Variants in AOAH observed in about 807,000 individuals in gnomAD.
The protein encoded by AOAH is acyloxyacyl hydrolase, also known as acyloxyacyl hydrolase (neutrophil).
AOAH carries 64 observed loss-of-function variants against 92.2 expected under a neutral mutation model. The observed-to-expected ratio is 0.69, with a 90% CI of 0.57 to 0.86. AOAH has a LOEUF of 0.86. Ranked by LOEUF, AOAH falls within the 40% of genes least tolerant of loss-of-function variation. AOAH has a pLI of 0.00. For missense variants in AOAH, 656 were observed against 694.6 expected, an observed-to-expected ratio of 0.94 and a Z score of 0.62; for synonymous variants, 263 against 254.5, an observed-to-expected ratio of 1.03 and a Z score of -0.32.
chr7:36,517,177 T>TCTTC (rs1483079890), intron 20 of AOAH, among the ~76,000 whole-genome samples: 1 of 55,422 alleles, frequency 1.8e-5, no homozygotes, highest in African/African-American at 6.2e-5. Flanking sequence ...TTTCTTTCTT[T>TCTTC]CTTTCTTTCT....
intron 1 of AOAH, among the ~76,000 whole-genome samples, chr7:36,718,978 G>T (rs1424754347): frequency 6.6e-6 from 1 of 152,062 alleles, no homozygotes; most frequent in Non-Finnish European, 1.5e-5. Context: ...AACAATATGG[G>T]AAAAATATTT....
Position 36,548,447 on chromosome 7 carries a change from A to G in AOAH, c.1133+165T>C, listed in dbSNP as rs190778009. On this transcript the variant is annotated intron_variant, in intron 15 of 20. Coordinates refer to ENST00000617537, the MANE Select transcript of AOAH (RefSeq NM_001637.4). Reference sequence around the variant, plus strand: ...GTGATCTGCCCACCTCGGCCTCCCAAAGTGCTGGGATTATAGGTGTGAGCC... The same window carrying G: ...GTGATCTGCCCACCTCGGCCTCCCAGAGTGCTGGGATTATAGGTGTGAGCC... 4.4e-3 allele frequency among the ~76,000 whole-genome samples: 664 copies of G among 152,196 alleles called. 3 individuals carry two copies. The highest frequency in any genetic ancestry group is 0.015 in the African/African-American group (619 of 41,516).
At chr7:36,659,622 T>C (rs1292327053) in intron 3 of AOAH, among the ~76,000 whole-genome samples, 5 of 152,242 alleles carry the variant, frequency 3.3e-5, no homozygotes, top group African/African-American at 1.2e-4. Context: ...TTTTGAAGTT[T>C]GGGCCTTTGA....
chr7:36,626,023 G>C (rs1383999980), intron 6 of AOAH, among the ~76,000 whole-genome samples: 1 of 152,212 alleles, frequency 6.6e-6, no homozygotes, highest in African/African-American at 2.4e-5. Flanking sequence ...CTTAAGAAAA[G>C]TTTTGGAAAA....
intron 15 of AOAH, among the ~76,000 whole-genome samples, chr7:36,547,532 G>A (rs1319264305): frequency 2.0e-5 from 3 of 152,208 alleles, no homozygotes; most frequent in African/African-American, 2.4e-5. Context: ...AGTTGGGGTG[G>A]AGTCCAGCTC....
chr7:36,594,112 A>G (rs867368749), intron 12 of AOAH, among the ~76,000 whole-genome samples: 1 of 152,234 alleles, frequency 6.6e-6, no homozygotes, highest in Admixed American at 6.5e-5. Flanking sequence ...GAGGTAAACT[A>G]TGGAACTCCA....
Position 36,631,990 on chromosome 7 carries a change from CGTT to C in AOAH, c.521+43_521+45del, listed in dbSNP as rs766226016. On this transcript the variant is annotated intron_variant, in intron 6 of 20. Coordinates refer to ENST00000617537, the MANE Select transcript of AOAH (RefSeq NM_001637.4). ...ATTAGAAAAGGGGGACAAGCAAAGACGTTATTACATGCTAGTGCTCAGGAAGGT... is the reference window on the plus strand; with the variant it reads ...ATTAGAAAAGGGGGACAAGCAAAGACATTACATGCTAGTGCTCAGGAAGGT... The C allele has an allele frequency of 5.8e-5, 84 of 1,454,858 alleles. No individual in the cohort carries two copies. The African/African-American group carries it at 1.0e-3, about 18-fold the overall frequency. 90.1% of individuals were successfully genotyped at this position (1,454,858 alleles called of 1,614,324 possible).
rs183173361 is a variant in AOAH at position 36,720,321 on chromosome 7, T to C, written c.127+3701A>G. Among the ~76,000 whole-genome samples, 330 of 144,968 alleles carry C rather than the reference T, an allele frequency of 2.3e-3. 3 individuals are homozygous for C. Among genetic ancestry groups the C allele is most frequent in the African/African-American group, 7.9e-3 (320 of 40,572 alleles). On this transcript the variant is annotated intron_variant, in intron 1 of 20. Coordinates refer to ENST00000617537, the MANE Select transcript of AOAH (RefSeq NM_001637.4). ...TGCCCCACCGTGTCCTGCTAATTTT[T>C]GTATATCTATATTTACATTTTTTTT...
chr7:36,569,322 G>T (rs372049612), intron 13 of AOAH, among the ~76,000 whole-genome samples: 6 of 152,094 alleles, frequency 3.9e-5, no homozygotes, highest in African/African-American at 1.2e-4. Context: ...CTGTAAAGAG[G>T]GCCTGTGTGC....
chr7:36,516,583 G>C lies in AOAH; in HGVS notation c.1600-3203C>G, dbSNP rs979895085. On this transcript the variant is annotated intron_variant, in intron 20 of 20. Coordinates refer to ENST00000617537, the MANE Select transcript of AOAH (RefSeq NM_001637.4). The surrounding 1 kb of genome is among the most constrained non-coding windows in gnomAD (Gnocchi z 5.0). ...GCCTGCGAAGCTGGCCAGTGCTCCAGGGAGGGCCGGATCATCTCTCACACA... is the reference window on the plus strand; with the variant it reads ...GCCTGCGAAGCTGGCCAGTGCTCCACGGAGGGCCGGATCATCTCTCACACA... 6.6e-6 allele frequency among the ~76,000 whole-genome samples: 1 copy of C among 152,200 alleles called. No homozygotes were observed. Among genetic ancestry groups the C allele is most frequent in the Admixed American group, 6.5e-5 (1 of 15,280 alleles).
chr7:36,524,239 G>T (rs1346074987), intron 19 of AOAH, among the ~76,000 whole-genome samples: 2 of 152,200 alleles, frequency 1.3e-5, no homozygotes, highest in African/African-American at 4.8e-5. Context: ...GTGTTGCACG[G>T]ACTGAATGTT....
intron 13 of AOAH, among the ~76,000 whole-genome samples, chr7:36,552,110 C>T (rs951098052): frequency 6.6e-6 from 1 of 152,080 alleles, no homozygotes; most frequent in Admixed American, 6.6e-5. Flanking sequence ...AAATATGTGC[C>T]ATGGTGGTTT....
intron 11 of AOAH, among the ~76,000 whole-genome samples, chr7:36,595,643 T>C (rs940473343): frequency 2.6e-5 from 4 of 152,256 alleles, no homozygotes; most frequent in Non-Finnish European, 5.9e-5. Flanking sequence ...CATGCAATGG[T>C]TGGAACATAC....
intron 1 of AOAH, among the ~76,000 whole-genome samples, chr7:36,688,197 T>A (rs1200529741): frequency 6.6e-6 from 1 of 152,242 alleles, no homozygotes; most frequent in Non-Finnish European, 1.5e-5. Context: ...CTGACGCTTA[T>A]CAGCACTTTA....
At chr7:36,715,460 A>G (rs1799083722) in intron 1 of AOAH, among the ~76,000 whole-genome samples, 1 of 151,696 alleles carries the variant, frequency 6.6e-6, no homozygotes, top group Non-Finnish European at 1.5e-5. Context: ...TCTTCACAGA[A>G]TTGGAAAAAA....
intron 3 of AOAH, among the ~76,000 whole-genome samples, chr7:36,668,193 T>TTGTGTG (rs113575872): frequency 4.9e-4 from 74 of 151,740 alleles, no homozygotes; most frequent in African/African-American, 1.6e-3. Context: ...TGAGAGGTTT[T>TTGTGTG]TGTGTGTGTG....
At chr7:36,569,791 T>G (rs1267643507) in intron 13 of AOAH, among the ~76,000 whole-genome samples, 1 of 152,030 alleles carries the variant, frequency 6.6e-6, no homozygotes, top group Non-Finnish European at 1.5e-5. Flanking sequence ...TTTTTATTTT[T>G]TAGTAGAGAT....
chr7:36,521,919 C>T, intron 20 of AOAH, 120 bp downstream of exon 20: 1 of 821,106 alleles, frequency 1.2e-6, no homozygotes, highest in South Asian at 1.6e-5. Flanking sequence ...TGTATGTACA[C>T]TACCTCAAAT....
At chr7:36,699,642 T>G (rs990007100) in intron 1 of AOAH, among the ~76,000 whole-genome samples, 10 of 151,638 alleles carry the variant, frequency 6.6e-5, no homozygotes, top group South Asian at 2.1e-4. Context: ...TATTTGTTTT[T>G]TTTTTTTTTT....
Sources: gnomAD v4.1 joint callset for allele counts (sites outside exome capture counted in the v4.1 genomes callset) on GRCh38, gnomAD v4.1.1 for gene constraint, Gnocchi (gnomAD v3.1) non-coding constraint, MANE v1.5 for transcripts, NCBI Gene and HGNC (gene_info 2026-07-23, HGNC 2026-07-21) for gene names.